Variants in GALNT17 observed in about 807,000 individuals in gnomAD.
GALNT17 encodes UDP-GalNAc:polypeptide N-acetylgalactosaminyltransferase-like 3.
A neutral mutation model predicts 63.7 loss-of-function variants in GALNT17; 29 were observed. That is an observed-to-expected ratio of 0.46 (90% confidence interval 0.34 to 0.62). GALNT17 has a LOEUF of 0.62. Among genes scored for constraint, GALNT17 ranks in the 20% least tolerant of loss-of-function variants. GALNT17 has a pLI of 0.01. For synonymous variants in GALNT17, 305 were observed against 318.3 expected (o/e 0.96, Z 0.45); for missense variants, 603 against 799.6 (o/e 0.75, Z 2.97).
chr7:71,436,046 C>T (rs1267555577), intron 5 of GALNT17, among the ~76,000 whole-genome samples: 1 of 145,098 alleles, frequency 6.9e-6, no homozygotes, highest in Admixed American at 6.9e-5. Flanking sequence ...AAAAAAACAA[C>T]TCTGATCCCC....
intron 5 of GALNT17, among the ~76,000 whole-genome samples, chr7:71,490,833 G>C (rs557485931): frequency 6.6e-6 from 1 of 152,086 alleles, no homozygotes; most frequent in Non-Finnish European, 1.5e-5. Flanking sequence ...CCAGGAGTTC[G>C]AGGCAGCAGT....
intron 1 of GALNT17, among the ~76,000 whole-genome samples, chr7:71,312,382 A>G (rs1377423391): frequency 6.6e-6 from 1 of 152,146 alleles, no homozygotes; most frequent in East Asian, 1.9e-4. Flanking sequence ...CATCCTATTT[A>G]CCTGCATCAA....
intron 2 of GALNT17, among the ~76,000 whole-genome samples, chr7:71,383,018 C>T (rs940558078): frequency 6.6e-6 from 1 of 152,148 alleles, no homozygotes; most frequent in Admixed American, 6.5e-5. Context: ...TTCCCCCTTC[C>T]CTGTCCCCTG....
chr7:71,301,180 G>C (rs964340309), intron 1 of GALNT17, among the ~76,000 whole-genome samples: 1 of 151,672 alleles, frequency 6.6e-6, no homozygotes, highest in Non-Finnish European at 1.5e-5. Context: ...CCAGCTACTC[G>C]GGAGGCTGAG....
chr7:71,684,979 T>TA (rs1554324444), intron 9 of GALNT17, among the ~76,000 whole-genome samples: 5 of 127,038 alleles, frequency 3.9e-5, no homozygotes, highest in East Asian at 5.6e-4. Flanking sequence ...CTGCTTTTTT[T>TA]TTATTATTAT....
intron 1 of GALNT17, among the ~76,000 whole-genome samples, chr7:71,238,943 C>CGTGAG (rs922077365): frequency 6.6e-6 from 1 of 152,130 alleles, no homozygotes; most frequent in Non-Finnish European, 1.5e-5. Flanking sequence ...GCTGCCACAC[C>CGTGAG]GTGAGGTCCC....
chr7:71,325,744 T>C (rs1791694736), intron 1 of GALNT17, among the ~76,000 whole-genome samples: 1 of 152,192 alleles, frequency 6.6e-6, no homozygotes, highest in African/African-American at 2.4e-5. Flanking sequence ...ATCAACCGTG[T>C]GGCCCTCAGA....
At chr7:71,356,161 A>G (rs1488990042) in intron 2 of GALNT17, among the ~76,000 whole-genome samples, 1 of 152,008 alleles carries the variant, frequency 6.6e-6, no homozygotes, top group Non-Finnish European at 1.5e-5. Context: ...GAGTTTTAGT[A>G]GAGATGGGGT....
At chr7:71,424,603 T>C (rs1405274837) in intron 5 of GALNT17, among the ~76,000 whole-genome samples, 2 of 152,260 alleles carry the variant, frequency 1.3e-5, no homozygotes, top group Admixed American at 1.3e-4. Context: ...ATCTCTGTTG[T>C]ACAAAATAGA....
chr7:71,465,089 T>C (rs1159478343), intron 5 of GALNT17, among the ~76,000 whole-genome samples: 1 of 152,080 alleles, frequency 6.6e-6, no homozygotes, highest in Non-Finnish European at 1.5e-5. Flanking sequence ...GGGGTTGAGA[T>C]CAAGAGGTGA....
chr7:71,440,065 C>T (rs971230152), intron 5 of GALNT17, among the ~76,000 whole-genome samples: 1 of 151,512 alleles, frequency 6.6e-6, no homozygotes, highest in Non-Finnish European at 1.5e-5. Context: ...CTGCCTTAGC[C>T]TCCCGAGCAT....
intron 1 of GALNT17, among the ~76,000 whole-genome samples, chr7:71,195,946 T>C (rs1391150318): frequency 6.6e-6 from 1 of 152,078 alleles, no homozygotes; most frequent in Non-Finnish European, 1.5e-5. Flanking sequence ...TCTTGCATAC[T>C]AACTCCCTAA....
intron 1 of GALNT17, among the ~76,000 whole-genome samples, chr7:71,327,156 C>T (rs1445088640): frequency 6.6e-6 from 1 of 152,218 alleles, no homozygotes; most frequent in Non-Finnish European, 1.5e-5. Flanking sequence ...AGCACCTAAA[C>T]ATGGGACCAC....
At position 71,377,114 on chromosome 7, in the gene GALNT17, A is replaced by AAATATAT; in HGVS notation, c.423-11120_423-11119insATATATA. Among the ~76,000 whole-genome samples the AAATATAT allele has an allele frequency of 4.0e-3, 232 of 57,422 alleles. 31 individuals are homozygous for AAATATAT. Among genetic ancestry groups the AAATATAT allele is most frequent in the Middle Eastern group, 6.9e-3 (1 of 144 alleles). The allele number at this position is 57,422 out of a possible 152,430, so 37.7% of individuals were successfully genotyped here. On this transcript the variant is annotated intron_variant, in intron 2 of 10. Coordinates refer to ENST00000333538, the MANE Select transcript of GALNT17 (RefSeq NM_022479.3). ...AAAAAAAAAAAATAAAAATAAAAAA[A>AAATATAT]ATATATATATATATATATATATATA...
At chr7:71,467,551 C>T (rs1379719232) in intron 5 of GALNT17, among the ~76,000 whole-genome samples, 2 of 151,536 alleles carry the variant, frequency 1.3e-5, no homozygotes, top group Non-Finnish European at 2.9e-5. Context: ...AAGTTAGGAA[C>T]ATCTCACTTT....
intron 6 of GALNT17, among the ~76,000 whole-genome samples, chr7:71,644,741 G>A (rs1312539531): frequency 6.6e-6 from 1 of 151,834 alleles, no homozygotes; most frequent in Admixed American, 6.6e-5. Context: ...ACAGAGCAGA[G>A]ACCCTGTGTC....
intron 1 of GALNT17, among the ~76,000 whole-genome samples, chr7:71,217,874 G>C (rs1389399776): frequency 2.0e-5 from 3 of 151,608 alleles, no homozygotes; most frequent in Non-Finnish European, 4.4e-5. Context: ...CTTGCAATGA[G>C]CCGAGATCGC....
chr7:71,642,552 C>G (rs748095104), intron 6 of GALNT17, among the ~76,000 whole-genome samples: 4 of 152,166 alleles, frequency 2.6e-5, no homozygotes, highest in Non-Finnish European at 5.9e-5. Context: ...CTTCTAGATT[C>G]TTGACTGGGT....
At chr7:71,520,362 A>C (rs1055569922) in intron 5 of GALNT17, among the ~76,000 whole-genome samples, 2 of 152,116 alleles carry the variant, frequency 1.3e-5, no homozygotes, top group African/African-American at 4.8e-5. Context: ...TGTCTCTACT[A>C]AAAACACAAA....
Sources: allele counts gnomAD v4.1 joint callset (sites outside exome capture counted in the v4.1 genomes callset), GRCh38; gene constraint gnomAD v4.1.1; transcripts MANE v1.5; gene names NCBI Gene and HGNC (gene_info 2026-07-23, HGNC 2026-07-21).